Variants in CWC27 observed in about 807,000 individuals in gnomAD.
CWC27 encodes spliceosome-associated protein CWC27 homolog.
Under a neutral mutation model 63.6 loss-of-function variants are expected in CWC27, and 47 were observed. The observed-to-expected ratio is 0.74, with a 90% confidence interval of 0.58 to 0.94. CWC27 has a LOEUF of 0.94. CWC27 is among the 40% of genes least tolerant of loss of function. The pLI is 0.00. For synonymous variants in CWC27, 175 were observed against 179.8 expected, an observed-to-expected ratio of 0.97 and a Z score of 0.22; for missense variants, 495 against 554.3, an observed-to-expected ratio of 0.89 and a Z score of 1.07.
chr5:64,993,041 C>T (rs1749565887), intron 13 of CWC27, among the ~76,000 whole-genome samples: 1 of 152,136 alleles, frequency 6.6e-6, no homozygotes, highest in Non-Finnish European at 1.5e-5. Flanking sequence ...GTGACCTAAG[C>T]AAGCAGCCTA....
rs1748556527 is a variant in CWC27, at chr5:64,944,834, T to C, written c.1043-26869T>C. Among the ~76,000 whole-genome samples, 5 of 152,310 alleles carry C rather than the reference T, an allele frequency of 3.3e-5. No individual in the cohort carries two copies. In the South Asian group the frequency reaches 1.0e-3, roughly 32 times the overall value. ...ATTCTCAACATAGTATCCAGGATGG[T>C]CCCTTAAAAATATGGCAGATCTTGT... On this transcript the variant is annotated intron_variant, in intron 11 of 13. Transcript: ENST00000381070.
At chr5:64,826,573 GATCA>G (rs1745366330) in intron 10 of CWC27, among the ~76,000 whole-genome samples, 1 of 152,020 alleles carries the variant, frequency 6.6e-6, no homozygotes, top group Admixed American at 6.6e-5. Context: ...AAATTTCCTT[GATCA>G]ATCAGTTTTT....
rs1478125162 is a variant in CWC27, at chr5:64,774,735, G to A, written c.87G>A (p.Trp29Ter). 1 of 1,608,192 alleles carries A rather than the reference G, an allele frequency of 6.2e-7. No homozygotes were observed. The highest frequency in any genetic ancestry group is 8.5e-7 in the Non-Finnish European group (1 of 1,177,410). The change falls in exon 2 of 14, where the codon TGG becomes TGA. Residue 29 changes from tryptophan (W) to a stop codon, truncating the protein, a stop_gained. Transcript: ENST00000381070. LOFTEE classifies it high-confidence loss of function. ...CTGGAGATATTGACATAGAGTTGTG[G>A]TCCAAAGAAGCTCCTAAAGCTTGCA... ...TTAGDIDIEL[W>*]SKEAPKACRN...
Position 64,921,381 on chromosome 5 carries a change from T to C in CWC27, c.1042+35835T>C, listed in dbSNP as rs60609925. On this transcript the variant is annotated intron_variant, in intron 11 of 13. Coordinates refer to ENST00000381070, the MANE Select transcript of CWC27 (RefSeq NM_005869.4). The stretch of plus-strand genomic sequence containing the variant: ...GCGGTCAGTCTTAGTGTAGCTCCCA[T>C]GTGCAGATGAGAAGAATGTATATTC... Among the ~76,000 whole-genome samples, 1,018 of 152,254 alleles carry C rather than the reference T, an allele frequency of 6.7e-3. 9 individuals are homozygous for C. The highest frequency in any genetic ancestry group is 0.023 in the African/African-American group (962 of 41,544).
intron 1 of CWC27, among the ~76,000 whole-genome samples, chr5:64,774,472 C>G (rs1043639565): frequency 6.6e-6 from 1 of 151,926 alleles, no homozygotes; most frequent in Non-Finnish European, 1.5e-5. Flanking sequence ...TTCTTAAATC[C>G]CAAACTTTTT....
At chr5:64,973,521 G>T (rs1259233736) in intron 12 of CWC27, among the ~76,000 whole-genome samples, 1 of 152,208 alleles carries the variant, frequency 6.6e-6, no homozygotes, top group African/African-American at 2.4e-5. Flanking sequence ...TTCAGGAAAA[G>T]CCATAACTGA....
intron 11 of CWC27, among the ~76,000 whole-genome samples, chr5:64,954,422 A>AG (rs1374327923): frequency 6.6e-6 from 1 of 151,816 alleles, no homozygotes; most frequent in Non-Finnish European, 1.5e-5. Context: ...CCAAGTAGCT[A>AG]GGACTACAGG....
At chr5:64,899,207 A>C (rs1747448397) in intron 11 of CWC27, among the ~76,000 whole-genome samples, 1 of 152,220 alleles carries the variant, frequency 6.6e-6, no homozygotes, top group Non-Finnish European at 1.5e-5. Flanking sequence ...GCGGTAGTCC[A>C]TTGGGTCAGG....
intron 10 of CWC27, among the ~76,000 whole-genome samples, chr5:64,807,039 C>G (rs916251352): frequency 5.3e-5 from 8 of 152,028 alleles, no homozygotes; most frequent in African/African-American, 1.9e-4. Context: ...GTATAGCTGC[C>G]AGCCAGATAG....
intron 10 of CWC27, among the ~76,000 whole-genome samples, chr5:64,831,475 G>GAGATAGGT (rs1745516386): frequency 6.7e-6 from 1 of 148,208 alleles, no homozygotes; most frequent in Non-Finnish European, 1.5e-5. Flanking sequence ...TTATTTATTT[G>GAGATAGGT]AGATAGATAG....
At chr5:64,903,311 G>A (rs911561045) in intron 11 of CWC27, among the ~76,000 whole-genome samples, 3 of 152,144 alleles carry the variant, frequency 2.0e-5, no homozygotes, top group African/African-American at 7.2e-5. Context: ...TAAAGTAAAT[G>A]TGGCACATAT....
intron 2 of CWC27, among the ~76,000 whole-genome samples, chr5:64,776,099 GAGAGAGAGAGAGA>G (rs1743438229): frequency 1.3e-5 from 2 of 150,234 alleles, no homozygotes; most frequent in Admixed American, 1.3e-4. Flanking sequence ...GAGAGAGAGA[GAGAGAGAGAGAGA>G]GAGAGAGAGA....
intron 12 of CWC27, among the ~76,000 whole-genome samples, chr5:64,976,109 G>A (rs1309584): frequency 0.13 from 20,272 of 152,118 alleles, 1,821 homozygotes; most frequent in Admixed American, 0.28. Flanking sequence ...TTTTTAAATA[G>A]CATATTTATT....
At chr5:64,794,159 T>C (rs766912580) in intron 7 of CWC27, among the ~76,000 whole-genome samples, 14 of 152,120 alleles carry the variant, frequency 9.2e-5, no homozygotes, top group Non-Finnish European at 1.8e-4. Flanking sequence ...TTTGATAGGA[T>C]TGCATGATAG....
At chr5:64,936,904 T>G (rs1389556640) in intron 11 of CWC27, among the ~76,000 whole-genome samples, 1 of 152,202 alleles carries the variant, frequency 6.6e-6, no homozygotes, top group Non-Finnish European at 1.5e-5. Context: ...TTTATATTAT[T>G]CTCTGATGGT....
At position 64,771,805 on chromosome 5, in the gene CWC27, G is replaced by T. The variant is rs1743265828; in HGVS notation, c.42+2617G>T. 2.0e-5 allele frequency among the ~76,000 whole-genome samples: 3 copies of T among 152,294 alleles called. No individual in the cohort carries two copies. In the South Asian group the frequency reaches 6.2e-4, roughly 32 times the overall value. On this transcript the variant is annotated intron_variant, in intron 1 of 13. Transcript: ENST00000381070. ...CAAAGAGAATGTATGGCCAGAGGAG[G>T]AAGGAGCCATATACCTTCTTTATTA...
At chr5:64,809,616 C>G (rs749651501) in intron 10 of CWC27, among the ~76,000 whole-genome samples, 67 of 152,330 alleles carry the variant, frequency 4.4e-4, no homozygotes, top group Admixed American at 1.1e-3. Context: ...ATCCACCCGC[C>G]TCTGCCTCCC....
intron 10 of CWC27, among the ~76,000 whole-genome samples, chr5:64,844,762 G>A (rs900485342): frequency 5.9e-5 from 9 of 152,180 alleles, no homozygotes; most frequent in African/African-American, 9.7e-5. Context: ...CCACTTTCAC[G>A]CATCTTAGAG....
intron 10 of CWC27, among the ~76,000 whole-genome samples, chr5:64,834,562 G>A (rs1249203589): frequency 1.3e-5 from 2 of 151,686 alleles, no homozygotes; most frequent in African/African-American, 2.4e-5. Flanking sequence ...AAAAGGTAAT[G>A]CTCAGTACAG....
Sources: gnomAD v4.1 joint callset for allele counts (sites outside exome capture counted in the v4.1 genomes callset) on GRCh38, gnomAD v4.1.1 for gene constraint, MANE v1.5 for transcripts, NCBI Gene and HGNC (gene_info 2026-07-23, HGNC 2026-07-21) for gene names.